ELMO1: variants seen among roughly 807,000 people sequenced by gnomAD.
ELMO1 encodes engulfment and cell motility protein 1.
In ELMO1, 26 loss-of-function variants were observed where a neutral mutation model predicts 98.9. That is an observed-to-expected ratio of 0.26 (90% CI 0.19 to 0.36). The LOEUF (loss-of-function observed/expected upper bound fraction) is 0.36. ELMO1 is among the 10% of genes least tolerant of loss of function. The pLI, the probability that ELMO1 is intolerant of heterozygous loss-of-function variation, is 1.00. For synonymous variants in ELMO1, 346 were observed against 346.0 expected, an observed-to-expected ratio of 1.00 and a Z score of 0.00; for missense variants, 627 against 935.2, an observed-to-expected ratio of 0.67 and a Z score of 4.30.
intron 13 of ELMO1, among the ~76,000 whole-genome samples, chr7:37,173,759 G>C (rs1382678853): frequency 1.3e-5 from 2 of 152,180 alleles, no homozygotes; most frequent in African/African-American, 4.8e-5. Context: ...CTTTTTAAAA[G>C]GTCTCTCTTT....
At chr7:36,953,067 G>C (rs1264829500) in intron 16 of ELMO1, among the ~76,000 whole-genome samples, 1 of 142,652 alleles carries the variant, frequency 7.0e-6, no homozygotes, top group African/African-American at 2.6e-5. Context: ...CCGGGTTCAC[G>C]CCATTCTCCT....
intron 2 of ELMO1, among the ~76,000 whole-genome samples, chr7:37,321,445 C>T (rs1472161101): frequency 6.6e-6 from 1 of 151,742 alleles, no homozygotes; most frequent in Admixed American, 6.6e-5. Context: ...AGGCCGGGCG[C>T]GGTGGTTCAC....
At chr7:37,052,064 A>G (rs1451952579) in intron 15 of ELMO1, among the ~76,000 whole-genome samples, 3 of 152,092 alleles carry the variant, frequency 2.0e-5, no homozygotes, top group Non-Finnish European at 4.4e-5. Context: ...TTTAATTCTG[A>G]GATCTCCAAG....
intron 15 of ELMO1, among the ~76,000 whole-genome samples, chr7:37,067,558 C>T (rs1036411049): frequency 6.6e-6 from 1 of 152,054 alleles, no homozygotes; most frequent in African/African-American, 2.4e-5. Flanking sequence ...GGAAAAGAAG[C>T]GGAGCCTTGT....
chr7:36,890,043 C>T (rs940559140), intron 17 of ELMO1, among the ~76,000 whole-genome samples: 16 of 152,086 alleles, frequency 1.1e-4, no homozygotes, highest in Non-Finnish European at 1.3e-4. Flanking sequence ...TTTCTGTGGC[C>T]GATATCTGCC....
intron 16 of ELMO1, among the ~76,000 whole-genome samples, chr7:36,994,624 T>A (rs1338653171): frequency 6.6e-6 from 1 of 152,148 alleles, no homozygotes; most frequent in Non-Finnish European, 1.5e-5. Context: ...TCCTTCCTCC[T>A]CCCACTCCTG....
intron 15 of ELMO1, 40 bp downstream of exon 15, chr7:37,096,579 C>T (rs1429575138): frequency 1.3e-6 from 2 of 1,569,946 alleles, no homozygotes; most frequent in East Asian, 2.2e-5. Context: ...AGCTGGGACT[C>T]TGCCAGCTTC....
At chr7:37,106,669 T>C (rs1784962585) in intron 14 of ELMO1, among the ~76,000 whole-genome samples, 1 of 149,796 alleles carries the variant, frequency 6.7e-6, no homozygotes, top group Non-Finnish European at 1.5e-5. Flanking sequence ...GGACAGGGCA[T>C]TGGGTGTGCC....
chr7:37,227,613 T>A (rs1009828206), intron 8 of ELMO1, among the ~76,000 whole-genome samples: 7 of 152,152 alleles, frequency 4.6e-5, no homozygotes, highest in Admixed American at 4.6e-4. Flanking sequence ...ATCGAACTCC[T>A]GACCTCAAGT....
At chr7:36,952,842 G>A (rs1788084244) in intron 16 of ELMO1, among the ~76,000 whole-genome samples, 1 of 152,058 alleles carries the variant, frequency 6.6e-6, no homozygotes, top group African/African-American at 2.4e-5. Flanking sequence ...ATCATCTCCT[G>A]GAGGAGACAG....
At chr7:37,064,542 G>T (rs1796848617) in intron 15 of ELMO1, among the ~76,000 whole-genome samples, 1 of 152,186 alleles carries the variant, frequency 6.6e-6, no homozygotes, top group South Asian at 2.1e-4. Flanking sequence ...TGCCTCAGTG[G>T]TGTAGCTGTT....
chr7:37,301,012 G>A (rs1034586798), intron 4 of ELMO1, among the ~76,000 whole-genome samples: 9 of 151,720 alleles, frequency 5.9e-5, no homozygotes, highest in East Asian at 1.9e-4. Context: ...TGTATGTGTC[G>A]AGGAATTTAT....
At chr7:37,072,559 A>AAT (rs1797336887) in intron 15 of ELMO1, among the ~76,000 whole-genome samples, 1 of 152,208 alleles carries the variant, frequency 6.6e-6, no homozygotes, top group African/African-American at 2.4e-5. Flanking sequence ...AATGCAAATC[A>AAT]ATATAGCTCC....
intron 1 of ELMO1, among the ~76,000 whole-genome samples, chr7:37,429,019 GGTT>G (rs67631888): frequency 0.49 from 73,735 of 151,022 alleles, 17,995 homozygotes; most frequent in South Asian, 0.63. Flanking sequence ...ACGTACTGCA[GGTT>G]GTTGTTGTTG....
At chr7:37,414,717 G>A (rs1014123675) in intron 1 of ELMO1, among the ~76,000 whole-genome samples, 2 of 152,132 alleles carry the variant, frequency 1.3e-5, no homozygotes, top group African/African-American at 4.8e-5. Flanking sequence ...AGCTTTTATT[G>A]TTTAAGCCAG....
intron 16 of ELMO1, among the ~76,000 whole-genome samples, chr7:36,899,143 G>T (rs1219510295): frequency 1.3e-5 from 2 of 152,194 alleles, no homozygotes; most frequent in Non-Finnish European, 2.9e-5. Context: ...TGAGGGAGCT[G>T]CAAGGTGTGG....
intron 4 of ELMO1, among the ~76,000 whole-genome samples, chr7:37,290,428 A>G (rs1339991257): frequency 2.0e-5 from 3 of 152,218 alleles, no homozygotes; most frequent in Non-Finnish European, 4.4e-5. Flanking sequence ...TAATCTTTAA[A>G]AGATGATAAA....
chr7:37,013,167 G>C (rs1793674270), intron 16 of ELMO1, 132 bp downstream of exon 16: 1 of 1,177,740 alleles, frequency 8.5e-7, no homozygotes, highest in East Asian at 2.5e-5. Flanking sequence ...CTCCATTCTT[G>C]AAGCAACTAT....
intron 13 of ELMO1, among the ~76,000 whole-genome samples, chr7:37,145,434 AG>A (rs1282033282): frequency 1.3e-5 from 2 of 152,234 alleles, no homozygotes; most frequent in Admixed American, 1.3e-4. Context: ...CCCTTTATTC[AG>A]AAACAGGAAT....
Sources: gnomAD v4.1 joint callset for allele counts (sites outside exome capture counted in the v4.1 genomes callset) on GRCh38, gnomAD v4.1.1 for gene constraint, MANE v1.5 for transcripts, NCBI Gene and HGNC (gene_info 2026-07-23, HGNC 2026-07-21) for gene names.